KATNBL1: variants seen among roughly 807,000 people sequenced by gnomAD.
KATNBL1 encodes katanin regulatory subunit B1 like 1.
A neutral mutation model predicts 44.7 loss-of-function variants in KATNBL1; 28 were observed. The observed-to-expected ratio is 0.63, with a 90% CI of 0.46 to 0.86. KATNBL1 has a LOEUF of 0.86. Ranked by LOEUF, KATNBL1 falls within the 40% of genes least tolerant of loss-of-function variation. The probability of loss-of-function intolerance (pLI) is 0.00; values close to 1 mark genes in which losing one functional copy is unlikely to be tolerated. For synonymous variants in KATNBL1, 78 were observed against 114.9 expected, an observed-to-expected ratio of 0.68 and a Z score of 2.06; for missense variants, 272 against 350.7, an observed-to-expected ratio of 0.78 and a Z score of 1.79.
intron 2 of KATNBL1, among the ~76,000 whole-genome samples, chr15:34,162,353 CTCG>C (rs1471262949): frequency 6.6e-6 from 1 of 152,148 alleles, no homozygotes; most frequent in Non-Finnish European, 1.5e-5. Context: ...TTCTCATTCT[CTCG>C]TCTGCTGCCA....
At chr15:34,145,150 C>T (rs984563892) in intron 9 of KATNBL1, 13 of 1,272,448 alleles carry the variant, frequency 1.0e-5, no homozygotes, top group Non-Finnish European at 1.2e-5. Context: ...TTAAAACCCT[C>T]TGTAAATATC....
At chr15:34,183,336 C>T (rs922415090) in intron 1 of KATNBL1, among the ~76,000 whole-genome samples, 1 of 152,148 alleles carries the variant, frequency 6.6e-6, no homozygotes, top group Admixed American at 6.6e-5. Flanking sequence ...CCTCCAGGCT[C>T]CTCCTGCCCC....
rs71119942 is a variant in KATNBL1 at position 34,184,576 on chromosome 15, C to CTTTTTTTTTTTTTTTTTT, written c.-14-20887_-14-20886insAAAAAAAAAAAAAAAAAA. On this transcript the variant is annotated intron_variant, in intron 1 of 9. Coordinates refer to ENST00000256544, the MANE Select transcript of KATNBL1 (RefSeq NM_024713.3). ...ATACTTCCTGTCTCTCCTAATGTTTCTTTTTTTTTTTTTTGAGACAGAGTC... is the reference window on the plus strand; with the variant it reads ...ATACTTCCTGTCTCTCCTAATGTTTCTTTTTTTTTTTTTTTTTTTTTTTTTTTTTTTTGAGACAGAGTC... Among the ~76,000 whole-genome samples, 6 of 95,256 alleles carry CTTTTTTTTTTTTTTTTTT rather than the reference C, an allele frequency of 6.3e-5. 1 individual carries two copies. Among genetic ancestry groups the CTTTTTTTTTTTTTTTTTT allele is most frequent in the African/African-American group, 1.2e-4 (3 of 25,528 alleles). The allele number at this position is 95,256 out of a possible 152,430, so 62.5% of individuals were successfully genotyped here. A position where few individuals can be genotyped will look rare whatever the true frequency, so the allele number is the denominator to read the frequency against.
At chr15:34,148,551 G>A in intron 5 of KATNBL1, 81 bp downstream of exon 5, 1 of 791,600 alleles carries the variant, frequency 1.3e-6, no homozygotes, top group Admixed American at 1.9e-5. Flanking sequence ...TTGTGCCACT[G>A]TACTCCAACT....
At chr15:34,190,804 A>G (rs1332649127) in intron 1 of KATNBL1, among the ~76,000 whole-genome samples, 1 of 152,220 alleles carries the variant, frequency 6.6e-6, no homozygotes, top group Non-Finnish European at 1.5e-5. Flanking sequence ...AAACCTGAAC[A>G]TAATCAAGCT....
At position 34,153,432 on chromosome 15, in the gene KATNBL1, T is replaced by C. The variant is rs116709854; in HGVS notation, c.159-363A>G. Among the ~76,000 whole-genome samples the C allele has an allele frequency of 9.7e-3, 1,480 of 152,346 alleles. 31 individuals carry two copies. The highest frequency in any genetic ancestry group is 0.034 in the African/African-American group (1,426 of 41,570). ...GCAAATAAGACTGCAAGTGTGAATA[T>C]TTTAAAATTTAATTAAGCTGAAGTA... On this transcript the variant is annotated intron_variant, in intron 3 of 9. Coordinates refer to ENST00000256544, the MANE Select transcript of KATNBL1 (RefSeq NM_024713.3).
At chr15:34,196,277 G>A (rs2049970152) in intron 1 of KATNBL1, among the ~76,000 whole-genome samples, 1 of 152,002 alleles carries the variant, frequency 6.6e-6, no homozygotes. Context: ...AATTAGCCAC[G>A]CATGGTGGCG....
At chr15:34,178,407 G>A (rs1358238880) in intron 1 of KATNBL1, among the ~76,000 whole-genome samples, 1 of 152,076 alleles carries the variant, frequency 6.6e-6, no homozygotes, top group Non-Finnish European at 1.5e-5. Flanking sequence ...GTTTTCCCAT[G>A]AGGCAGCTAC....
intron 1 of KATNBL1, among the ~76,000 whole-genome samples, chr15:34,208,033 A>G (rs1424884928): frequency 1.3e-5 from 2 of 152,226 alleles, no homozygotes; most frequent in Non-Finnish European, 2.9e-5. Context: ...TGTTAATCTC[A>G]TAACCCAAAC....
chr15:34,169,311 C>A (rs1014107098), intron 1 of KATNBL1, among the ~76,000 whole-genome samples: 2 of 152,134 alleles, frequency 1.3e-5, no homozygotes, highest in Non-Finnish European at 2.9e-5. Context: ...ACTATAAACA[C>A]CTCTATGTAA....
intron 1 of KATNBL1, among the ~76,000 whole-genome samples, chr15:34,204,925 T>C (rs1890253907): frequency 6.6e-6 from 1 of 151,898 alleles, no homozygotes; most frequent in African/African-American, 2.4e-5. Context: ...GAATTATATG[T>C]GAAAAAACTA....
intron 1 of KATNBL1, among the ~76,000 whole-genome samples, chr15:34,175,254 A>G (rs1390807446): frequency 6.6e-6 from 1 of 152,006 alleles, no homozygotes; most frequent in Non-Finnish European, 1.5e-5. Flanking sequence ...TTATTTTTTC[A>G]GATTTTGAAA....
intron 1 of KATNBL1, among the ~76,000 whole-genome samples, chr15:34,170,063 AAC>A (rs1889112410): frequency 6.6e-6 from 1 of 152,188 alleles, no homozygotes; most frequent in Non-Finnish European, 1.5e-5. Context: ...ACTCCTATTC[AAC>A]ACAGTGTTGG....
chr15:34,184,825 G>A lies in KATNBL1; in HGVS notation c.-14-21135C>T, dbSNP rs150862930. The stretch of plus-strand genomic sequence containing the variant: ...CCTGACCTCGTGATCCGCCCACCTC[G>A]GCCTCCCAAAGTGCTGGGATTACAG... On this transcript the variant is annotated intron_variant, in intron 1 of 9. Coordinates refer to ENST00000256544, the MANE Select transcript of KATNBL1 (RefSeq NM_024713.3). Among the ~76,000 whole-genome samples the A allele has an allele frequency of 3.0e-3, 448 of 151,650 alleles. 4 individuals are homozygous for A. Among genetic ancestry groups the A allele is most frequent in the African/African-American group, 0.01 (420 of 41,362 alleles).
chr15:34,145,197 T>C lies in KATNBL1; in HGVS notation c.882+201A>G, dbSNP rs964919989. 7 of 1,371,180 alleles carry C rather than the reference T, an allele frequency of 5.1e-6. No individual in the cohort carries two copies. In the East Asian group the frequency reaches 2.4e-4, roughly 46 times the overall value. 84.9% of individuals were successfully genotyped at this position (1,371,180 alleles called of 1,614,324 possible). On this transcript the variant is annotated intron_variant, in intron 9 of 9. Coordinates refer to ENST00000256544, the MANE Select transcript of KATNBL1 (RefSeq NM_024713.3). ...CATTTCAGGGGCTGTACATGAAACA[T>C]GTTCAATGGCCAATTCCTGTGCTTG...
At chr15:34,151,905 G>T (rs979330495) in intron 4 of KATNBL1, among the ~76,000 whole-genome samples, 1 of 151,736 alleles carries the variant, frequency 6.6e-6, no homozygotes, top group African/African-American at 2.4e-5. Context: ...TTGAGAGCCC[G>T]GCAAAATGTG....
chr15:34,160,710 T>G (rs1211604729), intron 2 of KATNBL1, among the ~76,000 whole-genome samples: 2 of 152,164 alleles, frequency 1.3e-5, no homozygotes, highest in Non-Finnish European at 2.9e-5. Context: ...GTTGCTAGCT[T>G]TATACTTTTT....
At chr15:34,148,816 T>A in intron 4 of KATNBL1, 66 bp from the exon 5 acceptor site, 1 of 903,296 alleles carries the variant, frequency 1.1e-6, no homozygotes, top group Non-Finnish European at 1.8e-6. Context: ...ATTTTTTTAT[T>A]AAATCGTTCT....
intron 1 of KATNBL1, among the ~76,000 whole-genome samples, chr15:34,188,715 T>C (rs1555529965): frequency 6.6e-6 from 1 of 152,248 alleles, no homozygotes; most frequent in Non-Finnish European, 1.5e-5. Flanking sequence ...GTAATTCTTA[T>C]GAACGCATCA....
Sources: allele counts gnomAD v4.1 joint callset (sites outside exome capture counted in the v4.1 genomes callset), GRCh38; gene constraint gnomAD v4.1.1; transcripts MANE v1.5; gene names NCBI Gene and HGNC (gene_info 2026-07-23, HGNC 2026-07-21).